LDLRAD4: variants seen among roughly 807,000 people sequenced by gnomAD.
LDLRAD4 encodes the protein low density lipoprotein receptor class A domain containing 4.
A neutral mutation model predicts 17.0 loss-of-function variants in LDLRAD4; 5 were observed. The observed-to-expected ratio is 0.29, with a 90% CI of 0.15 to 0.62. The LOEUF (loss-of-function observed/expected upper bound fraction) is 0.62. Among genes scored for constraint, LDLRAD4 ranks in the 20% least tolerant of loss-of-function variants. The pLI, the probability that LDLRAD4 is intolerant of heterozygous loss-of-function variation, is 0.84. For missense variants in LDLRAD4, 340 were observed against 424.7 expected (o/e 0.80, Z 1.75); for synonymous variants, 168 against 171.8 (o/e 0.98, Z 0.17).
chr18:13,499,320 C>T (rs139431650), intron 3 of LDLRAD4, among the ~76,000 whole-genome samples: 22,871 of 138,822 alleles, frequency 0.16, 2,774 homozygotes, highest in Middle Eastern at 0.34. Context: ...TCACACACGT[C>T]CCGCCATGGA....
At chr18:13,421,596 A>T (rs573627608) in intron 2 of LDLRAD4, among the ~76,000 whole-genome samples, 1 of 152,150 alleles carries the variant, frequency 6.6e-6, no homozygotes, top group East Asian at 1.9e-4. Context: ...GTAGCCGAGA[A>T]TAGAAGCTTC....
At chr18:13,253,431 T>G (rs1598916326) in intron 1 of LDLRAD4, among the ~76,000 whole-genome samples, 1 of 152,168 alleles carries the variant, frequency 6.6e-6, no homozygotes, top group Non-Finnish European at 1.5e-5. Context: ...CTTTTTCCCT[T>G]TTCCACACCT....
intron 3 of LDLRAD4, among the ~76,000 whole-genome samples, chr18:13,534,720 T>C (rs1313435125): frequency 6.6e-6 from 1 of 152,228 alleles, no homozygotes; most frequent in Non-Finnish European, 1.5e-5. Context: ...AGTTACTCAC[T>C]TTTGGTGAAG....
At chr18:13,651,701 T>C (rs1222136931) in exon 6 of LDLRAD4, 1 of 152,214 alleles carries the variant, frequency 6.6e-6, no homozygotes, top group African/African-American at 2.4e-5. Context: ...GGTGTGGGCA[T>C]CCTTTCGAGT....
intron 1 of LDLRAD4, among the ~76,000 whole-genome samples, chr18:13,227,777 C>T (rs956946050): frequency 4.6e-5 from 7 of 152,276 alleles, no homozygotes; most frequent in East Asian, 1.9e-4. Context: ...CATCAGATCT[C>T]GTGAGAACTC....
intron 1 of LDLRAD4, among the ~76,000 whole-genome samples, chr18:13,299,782 C>T (rs1012839572): frequency 5.3e-5 from 8 of 152,060 alleles, no homozygotes; most frequent in Admixed American, 5.2e-4. Flanking sequence ...GTTGAGGCTG[C>T]AGTGAGCTAT....
intron 1 of LDLRAD4, among the ~76,000 whole-genome samples, chr18:13,360,963 T>G (rs572370447): frequency 2.8e-4 from 43 of 152,204 alleles, no homozygotes; most frequent in Non-Finnish European, 5.4e-4. Flanking sequence ...TCCACCACAC[T>G]TTGCATTCAG....
At chr18:13,382,088 C>T (rs1038143037) in intron 1 of LDLRAD4, among the ~76,000 whole-genome samples, 6 of 152,192 alleles carry the variant, frequency 3.9e-5, no homozygotes, top group African/African-American at 9.7e-5. Flanking sequence ...ACCGACATTC[C>T]GCCAGCGAAA....
chr18:13,259,089 C>T (rs758936929), intron 1 of LDLRAD4, among the ~76,000 whole-genome samples: 2 of 152,230 alleles, frequency 1.3e-5, no homozygotes, highest in Non-Finnish European at 2.9e-5. Flanking sequence ...CTGCCATTCC[C>T]GCAGAGCACT....
intron 3 of LDLRAD4, among the ~76,000 whole-genome samples, chr18:13,445,832 G>A (rs2091369208): frequency 6.6e-6 from 1 of 151,944 alleles, no homozygotes; most frequent in Admixed American, 6.6e-5. Context: ...CTGTGTGTGA[G>A]GGTGAGGCTG....
At chr18:13,319,876 C>G (rs2081127392) in intron 1 of LDLRAD4, among the ~76,000 whole-genome samples, 1 of 152,132 alleles carries the variant, frequency 6.6e-6, no homozygotes, top group Non-Finnish European at 1.5e-5. Context: ...ATTTAAAGCT[C>G]AGGTCATGAG....
upstream of LDLRAD4, among the ~76,000 whole-genome samples, chr18:13,274,495 T>C (rs1232302057): frequency 6.6e-6 from 1 of 152,216 alleles, no homozygotes; most frequent in Non-Finnish European, 1.5e-5. Context: ...GGAACTGCTG[T>C]TTTTAGTTTT....
chr18:13,354,141 C>G (rs534444174), intron 1 of LDLRAD4, among the ~76,000 whole-genome samples: 1 of 152,048 alleles, frequency 6.6e-6, no homozygotes, highest in Non-Finnish European at 1.5e-5. Context: ...CCCAAGAGTT[C>G]GAGGCTGTAG....
At chr18:13,361,463 G>T (rs971922221) in intron 1 of LDLRAD4, among the ~76,000 whole-genome samples, 1 of 152,214 alleles carries the variant, frequency 6.6e-6, no homozygotes, top group East Asian at 1.9e-4. Flanking sequence ...GTTGCACCTC[G>T]CTTTGTTTGG....
At chr18:13,599,486 ATTTTTTT>A (rs35131642) in intron 3 of LDLRAD4, among the ~76,000 whole-genome samples, 2 of 81,756 alleles carry the variant, frequency 2.4e-5, no homozygotes, top group African/African-American at 9.8e-5. Context: ...TGAGTCTCCA[ATTTTTTT>A]TTTTTTTTTT....
chr18:13,271,615 G>A (rs113860250), intron 1 of LDLRAD4, among the ~76,000 whole-genome samples: 88 of 152,320 alleles, frequency 5.8e-4, no homozygotes, highest in African/African-American at 1.2e-3. Context: ...CCCCTGTTGC[G>A]TGAAGTCCTT....
intron 3 of LDLRAD4, among the ~76,000 whole-genome samples, chr18:13,466,499 A>G (rs2092621491): frequency 6.6e-6 from 1 of 151,466 alleles, no homozygotes; most frequent in Non-Finnish European, 1.5e-5. Context: ...GGAAAATCAA[A>G]CAATATAATA....
At chr18:13,527,399 G>C (rs1473194486) in intron 3 of LDLRAD4, among the ~76,000 whole-genome samples, 1 of 152,222 alleles carries the variant, frequency 6.6e-6, no homozygotes, top group Non-Finnish European at 1.5e-5. Flanking sequence ...TGGGTTTGCT[G>C]GCCTTCTGGA....
At chr18:13,612,502 G>C in intron 3 of LDLRAD4, 1 of 1,373,466 alleles carries the variant, frequency 7.3e-7, no homozygotes, top group Non-Finnish European at 9.4e-7. Context: ...GGTGGGCCCT[G>C]CTGATACAGT....
Sources: gnomAD v4.1 joint callset for allele counts (sites outside exome capture counted in the v4.1 genomes callset) on GRCh38, gnomAD v4.1.1 for gene constraint, MANE v1.5 for transcripts, NCBI Gene and HGNC (gene_info 2026-07-23, HGNC 2026-07-21) for gene names.